Variants in ZNF26 observed in about 807,000 individuals in gnomAD.
ZNF26 encodes zinc finger protein 26.
In ZNF26, 32 loss-of-function variants were observed where a neutral mutation model predicts 54.9. The observed-to-expected ratio is 0.58, with a 90% confidence interval of 0.44 to 0.78. ZNF26 has a LOEUF of 0.78. Among genes scored for constraint, ZNF26 ranks in the 30% least tolerant of loss-of-function variants. The pLI is 0.00. For synonymous variants in ZNF26, 221 were observed against 209.2 expected, an observed-to-expected ratio of 1.06 and a Z score of -0.49; for missense variants, 524 against 634.0, an observed-to-expected ratio of 0.83 and a Z score of 1.86.
chr12:132,991,011 A>C (rs1952938349), intron 1 of ZNF26, among the ~76,000 whole-genome samples: 1 of 151,228 alleles, frequency 6.6e-6, no homozygotes, highest in Non-Finnish European at 1.5e-5. Context: ...GGTGTGTGCC[A>C]CCATGCCCGG....
rs1425900722 is a variant in ZNF26, at chr12:133,025,402, GATATT to G, written c.*13925_*13929del. ...ACGATGAGATCCTGGTCTTCAATCT[GATATT>G]ATAACGGGATGAGACATTGGGATCT... is the stretch of plus-strand genomic sequence containing the variant. On this transcript the variant is annotated 3_prime_UTR_variant, in exon 4 of 4. Transcript: ENST00000328654. The G allele has an allele frequency of 1.3e-5, 2 of 152,164 alleles. No homozygotes were observed. The highest frequency in any genetic ancestry group is 2.9e-5 in the Non-Finnish European group (2 of 68,048). 9.4% of individuals were successfully genotyped at this position (152,164 alleles called of 1,614,324 possible). A position where few individuals can be genotyped will look rare whatever the true frequency, so the allele number is the denominator to read the frequency against.
At chr12:132,990,140 T>G (rs374343022) in intron 1 of ZNF26, among the ~76,000 whole-genome samples, 2 of 152,014 alleles carry the variant, frequency 1.3e-5, no homozygotes, top group Non-Finnish European at 2.9e-5. Flanking sequence ...AAAAACAAAA[T>G]AGCTGGGCGT....
chr12:133,010,945 C>G lies in ZNF26; in HGVS notation c.1066C>G (p.Gln356Glu), dbSNP rs1417432294. Residue 356 changes from glutamine to glutamate, a missense_variant, in exon 4 of 4, where the codon CAA becomes GAA. Coordinates refer to ENST00000328654, the MANE Select transcript of ZNF26 (RefSeq NM_019591.4). ...DCGKAFNMKT[Q>E]LIVHQGVHTG... ...TGGGAAAGCCTTCAATATGAAGACACAACTCATTGTACATCAGGGAGTTCA... is the reference window on the plus strand; with the variant it reads ...TGGGAAAGCCTTCAATATGAAGACAGAACTCATTGTACATCAGGGAGTTCA... The G allele has an allele frequency of 2.3e-5, 37 of 1,613,980 alleles. No homozygotes were observed. Among genetic ancestry groups the G allele is most frequent in the Non-Finnish European group, 3.1e-5 (36 of 1,180,032 alleles).
chr12:133,009,577 G>A (rs1165966601), intron 3 of ZNF26, among the ~76,000 whole-genome samples: 2 of 150,264 alleles, frequency 1.3e-5, no homozygotes, highest in African/African-American at 2.4e-5. Context: ...GAGTGAAAGA[G>A]CAAGACCCTG....
chr12:133,023,613 G>A lies in ZNF26; in HGVS notation c.*12132G>A, dbSNP rs941381488. On this transcript the variant is annotated 3_prime_UTR_variant, in exon 4 of 4. Transcript: ENST00000328654. ...CAATAATCAACCATGTTTTACATAT[G>A]TGGCAGATTTTATTTTCTGAAGTGG... is the stretch of plus-strand genomic sequence containing the variant. 1 of 148,500 alleles carries A rather than the reference G, an allele frequency of 6.7e-6. No individual in the cohort carries two copies. 9.2% of individuals were successfully genotyped at this position (148,500 alleles called of 1,614,324 possible).
In ZNF26 at chr12:133,001,617, G is replaced by A; in HGVS notation, c.34-5425G>A. 7.8e-7 allele frequency: 1 copy of A among 1,283,078 alleles called. No homozygotes were observed. Among genetic ancestry groups the A allele is most frequent in the Non-Finnish European group, 1.0e-6 (1 of 983,266 alleles). The allele number at this position is 1,283,078 out of a possible 1,614,324, so 79.5% of individuals were successfully genotyped here. On this transcript the variant is annotated intron_variant, in intron 1 of 3. Coordinates refer to ENST00000328654, the MANE Select transcript of ZNF26 (RefSeq NM_019591.4). The surrounding 1 kb of genome is among the most constrained non-coding windows in gnomAD (Gnocchi z 4.7). ...TCCACTCACTGCCTCTTCCCCTGGG[G>A]TCTCCCTCCCTGCAGGTAGTGCTGC...
intron 1 of ZNF26, 44 bp downstream of exon 1, chr12:132,986,917 G>C: frequency 6.4e-6 from 10 of 1,573,702 alleles, no homozygotes; most frequent in Non-Finnish European, 8.7e-6. Context: ...TGGATACTGA[G>C]GGTGGCCACG....
At position 133,011,081 on chromosome 12, in the gene ZNF26, G is replaced by A; in HGVS notation, c.1202G>A (p.Ser401Asn). ...AHAGEKPYGC[S>N]ECGKAFSSKS... ...GCAGGAGAGAAGCCCTATGGATGCA[G>A]TGAATGTGGGAAGGCTTTCAGCAGC... The change falls in exon 4 of 4, where the codon AGT becomes AAT. Residue 401 changes from serine (S) to asparagine (N), a missense_variant. Transcript: ENST00000328654. The A allele has an allele frequency of 6.2e-7, 1 of 1,614,146 alleles. No homozygotes were observed. Among genetic ancestry groups the A allele is most frequent in the Non-Finnish European group, 8.5e-7 (1 of 1,179,998 alleles).
intron 3 of ZNF26, among the ~76,000 whole-genome samples, chr12:133,008,582 C>T (rs1953387988): frequency 1.3e-5 from 2 of 151,648 alleles, no homozygotes; most frequent in South Asian, 4.2e-4. Context: ...GGAGACCATC[C>T]TGACTAACAT....
intron 1 of ZNF26, among the ~76,000 whole-genome samples, chr12:132,990,927 T>C (rs1952935347): frequency 6.6e-6 from 1 of 151,894 alleles, no homozygotes; most frequent in Non-Finnish European, 1.5e-5. Flanking sequence ...GGCATGATCA[T>C]GGCTCACTGC....
At chr12:133,004,762 G>A (rs1953288292) in intron 1 of ZNF26, 4 of 152,208 alleles carry the variant, frequency 2.6e-5, no homozygotes, top group Non-Finnish European at 4.4e-5. Flanking sequence ...GGGATTATAG[G>A]CATGAGGTAC....
rs1374618187 is a variant in ZNF26, at chr12:133,013,836, T to C, written c.*2355T>C. 1.3e-5 allele frequency: 2 copies of C among 156,026 alleles called. No homozygotes were observed. Among genetic ancestry groups the C allele is most frequent in the African/African-American group, 4.8e-5 (2 of 41,510 alleles). 9.7% of individuals were successfully genotyped at this position (156,026 alleles called of 1,614,324 possible). ...TAGACTTTGCACTGCAGATGCTTCA[T>C]TTAAGGCTATAGAGTAGATGTTGGC... On this transcript the variant is annotated 3_prime_UTR_variant, in exon 4 of 4. Coordinates refer to ENST00000328654, the MANE Select transcript of ZNF26 (RefSeq NM_019591.4).
intron 1 of ZNF26, among the ~76,000 whole-genome samples, chr12:132,988,561 T>G (rs1317412332): frequency 1.3e-5 from 2 of 152,196 alleles, no homozygotes; most frequent in African/African-American, 4.8e-5. Flanking sequence ...AGTCTTGAAG[T>G]CAGGTTCATT....
At chr12:133,006,939 A>T in intron 1 of ZNF26, 103 bp from the exon 2 acceptor site, 2 of 1,361,468 alleles carry the variant, frequency 1.5e-6, no homozygotes, top group Non-Finnish European at 2.1e-6. Context: ...AGCCACAGGA[A>T]ATAGTTGGTA....
At chr12:133,009,488 A>T (rs2137258049) in intron 3 of ZNF26, among the ~76,000 whole-genome samples, 1 of 152,182 alleles carries the variant, frequency 6.6e-6, no homozygotes, top group South Asian at 2.1e-4. Flanking sequence ...GCTACTCAGG[A>T]ATCTGACATG....
At chr12:132,988,997 T>G (rs989418340) in intron 1 of ZNF26, among the ~76,000 whole-genome samples, 7 of 150,176 alleles carry the variant, frequency 4.7e-5, no homozygotes, top group Non-Finnish European at 1.0e-4. Context: ...AACCTTGGTA[T>G]AATCATGTAG....
chr12:133,012,586 T>TTTTTG lies in ZNF26; in HGVS notation c.*1109_*1110insGTTTT, dbSNP rs1953503545. On this transcript the variant is annotated 3_prime_UTR_variant, in exon 4 of 4. Coordinates refer to ENST00000328654, the MANE Select transcript of ZNF26 (RefSeq NM_019591.4). The stretch of plus-strand genomic sequence containing the variant: ...TGCTTTTTGTTGTTTGGGTTTTTTT[T>TTTTTG]TTTTTTTTTTTTTTTTTTTTTTTGA... 5.0e-5 allele frequency: 6 copies of TTTTTG among 118,940 alleles called. No individual in the cohort carries two copies. The highest frequency in any genetic ancestry group is 1.9e-4 in the African/African-American group (6 of 31,096). 7.4% of individuals were successfully genotyped at this position (118,940 alleles called of 1,614,324 possible).
intron 1 of ZNF26, among the ~76,000 whole-genome samples, chr12:132,988,434 G>A (rs1318803870): frequency 1.3e-5 from 2 of 149,824 alleles, no homozygotes; most frequent in Admixed American, 1.3e-4. Flanking sequence ...TGTACAGATA[G>A]GGTCTCACTG....
At chr12:132,999,632 C>T (rs1953167894) in intron 1 of ZNF26, among the ~76,000 whole-genome samples, 1 of 152,024 alleles carries the variant, frequency 6.6e-6, no homozygotes, top group South Asian at 2.1e-4. Context: ...GGAAGAAACA[C>T]TTTATTGTGT....
Sources: gnomAD v4.1 joint callset for allele counts (sites outside exome capture counted in the v4.1 genomes callset) on GRCh38, gnomAD v4.1.1 for gene constraint, Gnocchi (gnomAD v3.1) non-coding constraint, MANE v1.5 for transcripts, NCBI Gene and HGNC (gene_info 2026-07-23, HGNC 2026-07-21) for gene names.